JAM3: variants seen among roughly 807,000 people sequenced by gnomAD.
The protein encoded by JAM3 is junctional adhesion molecule C.
A neutral mutation model predicts 39.4 loss-of-function variants in JAM3; 31 were observed. That is an observed-to-expected ratio of 0.79 (90% CI 0.59 to 1.06). The LOEUF (loss-of-function observed/expected upper bound fraction) is 1.06, where lower values mean the gene tolerates loss of function less well. Ranked by LOEUF, JAM3 falls within the 50% of genes least tolerant of loss-of-function variation. JAM3 has a pLI of 0.00. For missense variants in JAM3, 455 were observed against 391.4 expected (o/e 1.16, Z -1.37); for synonymous variants, 182 against 148.7 (o/e 1.22, Z -1.63).
chr11:134,133,775 A>G (rs1251057563), intron 1 of JAM3, among the ~76,000 whole-genome samples: 2 of 152,090 alleles, frequency 1.3e-5, no homozygotes, highest in African/African-American at 4.8e-5. Context: ...CTTCCCCCCT[A>G]CACACACACC....
intron 1 of JAM3, among the ~76,000 whole-genome samples, chr11:134,105,402 G>A (rs28880389): frequency 0.025 from 3,806 of 152,166 alleles, 161 homozygotes; most frequent in African/African-American, 0.087. Context: ...ATATCATACC[G>A]AATGGGCAAA....
chr11:134,150,019 AT>A lies in JAM3; in HGVS notation c.*845del, dbSNP rs555851157. 6.5e-6 allele frequency: 1 copy of A among 153,272 alleles called. No individual in the cohort carries two copies. The highest frequency in any genetic ancestry group is 2.4e-5 in the African/African-American group (1 of 41,420). The allele number at this position is 153,272 out of a possible 1,614,324, so 9.5% of individuals were successfully genotyped here. A position where few individuals can be genotyped will look rare whatever the true frequency, so the allele number is the denominator to read the frequency against. On this transcript the variant is annotated 3_prime_UTR_variant, in exon 9 of 9. Transcript: ENST00000299106. Reference sequence around the variant, plus strand: ...ATTGTCATACAATGTTAAATAACCTATTTTTTTAAAAAAGTTCAACTTAAGG... The same window carrying A: ...ATTGTCATACAATGTTAAATAACCTATTTTTTAAAAAAGTTCAACTTAAGG...
intron 1 of JAM3, among the ~76,000 whole-genome samples, chr11:134,104,536 A>C (rs1281012064): frequency 2.0e-5 from 3 of 152,132 alleles, no homozygotes; most frequent in African/African-American, 2.4e-5. Context: ...ATAGAGATAC[A>C]AAAAACCCTT....
At chr11:134,076,073 A>T (rs1311289580) in intron 1 of JAM3, among the ~76,000 whole-genome samples, 1 of 150,522 alleles carries the variant, frequency 6.6e-6, no homozygotes, top group Non-Finnish European at 1.5e-5. Flanking sequence ...TTCATTTCTA[A>T]AATTTTCTTG....
At chr11:134,073,046 G>A (rs561662593) in intron 1 of JAM3, among the ~76,000 whole-genome samples, 1 of 152,322 alleles carries the variant, frequency 6.6e-6, no homozygotes, top group African/African-American at 2.4e-5. Context: ...AGTGTAAAGC[G>A]ATCCCGAAAG....
At chr11:134,104,911 G>A (rs902947204) in intron 1 of JAM3, among the ~76,000 whole-genome samples, 9 of 152,174 alleles carry the variant, frequency 5.9e-5, no homozygotes, top group East Asian at 1.9e-4. Context: ...ATTCACAGCC[G>A]AATTCTACCA....
At chr11:134,148,739 C>T (rs1024944538) in intron 7 of JAM3, 25 bp from the exon 8 acceptor site, 4 of 1,614,018 alleles carry the variant, frequency 2.5e-6, no homozygotes, top group Non-Finnish European at 3.4e-6. Flanking sequence ...AACCCTGTTG[C>T]TAAACTGCTC....
At chr11:134,111,133 C>CTTTTTTTTTTTTTTTTTT (rs71038561) in intron 1 of JAM3, among the ~76,000 whole-genome samples, 7 of 86,772 alleles carry the variant, frequency 8.1e-5, no homozygotes, top group African/African-American at 3.3e-4. Flanking sequence ...ACACATCCAT[C>CTTTTTTTTTTTTTTTTTT]TTTTTTTTTT....
At chr11:134,114,937 T>C (rs1251901894) in intron 1 of JAM3, among the ~76,000 whole-genome samples, 1 of 152,214 alleles carries the variant, frequency 6.6e-6, no homozygotes, top group Non-Finnish European at 1.5e-5. Flanking sequence ...GAGAGTAGTG[T>C]TGAAATCTCG....
chr11:134,134,827 C>G (rs1942833642), intron 1 of JAM3, among the ~76,000 whole-genome samples: 1 of 152,116 alleles, frequency 6.6e-6, no homozygotes, highest in African/African-American at 2.4e-5. Flanking sequence ...ACTCTTTGCC[C>G]ATTTTAAAAT....
chr11:134,140,202 G>A (rs1019307555), intron 2 of JAM3, among the ~76,000 whole-genome samples: 4 of 152,162 alleles, frequency 2.6e-5, no homozygotes, highest in African/African-American at 9.7e-5. Flanking sequence ...TGCCCAGGCT[G>A]GAGTGTAGTG....
At chr11:134,088,285 T>C (rs1369060148) in intron 1 of JAM3, among the ~76,000 whole-genome samples, 1 of 152,270 alleles carries the variant, frequency 6.6e-6, no homozygotes, top group Admixed American at 6.5e-5. Flanking sequence ...TTACCAATGA[T>C]GTATTACCCA....
chr11:134,071,124 T>G (rs1278396842), intron 1 of JAM3, among the ~76,000 whole-genome samples: 1 of 152,238 alleles, frequency 6.6e-6, no homozygotes, highest in Non-Finnish European at 1.5e-5. Flanking sequence ...TTTATTTTCA[T>G]CTTAAAAATT....
At chr11:134,116,194 TAATA>T (rs1942429450) in intron 1 of JAM3, among the ~76,000 whole-genome samples, 1 of 152,030 alleles carries the variant, frequency 6.6e-6, no homozygotes, top group Non-Finnish European at 1.5e-5. Flanking sequence ...CCATAATAAT[TAATA>T]AATATTTCGG....
chr11:134,125,703 G>A (rs983780537), intron 1 of JAM3, among the ~76,000 whole-genome samples: 10 of 152,162 alleles, frequency 6.6e-5, no homozygotes, highest in East Asian at 1.9e-4. Flanking sequence ...TGTGAGCCCC[G>A]ACAATACTCA....
chr11:134,072,170 T>TA (rs2120556952), intron 1 of JAM3, among the ~76,000 whole-genome samples: 1 of 152,238 alleles, frequency 6.6e-6, no homozygotes, highest in East Asian at 1.9e-4. Context: ...TAGCAGCTGT[T>TA]AGAGATGTGG....
intron 4 of JAM3, 25 bp from the exon 5 acceptor site, chr11:134,144,767 A>C (rs1344499454): frequency 1.9e-6 from 3 of 1,565,856 alleles, no homozygotes; most frequent in Non-Finnish European, 2.6e-6. Flanking sequence ...CTGAGATCTT[A>C]AACACCACCC....
intron 1 of JAM3, among the ~76,000 whole-genome samples, chr11:134,081,446 GC>G (rs1941664441): frequency 6.6e-6 from 1 of 152,180 alleles, no homozygotes; most frequent in Admixed American, 6.5e-5. Context: ...TTGGTGCCCT[GC>G]CTTCCAGCCA....
At position 134,144,786 on chromosome 11, in the gene JAM3, C is replaced by T. The variant is rs747088657; in HGVS notation, c.410-6C>T. ...GATCTTAAACACCACCCCTTTTTCC[C>T]CACAGTGAAGCCAGTGACCCCTGTC... On this transcript the variant is annotated splice_region_variant and splice_polypyrimidine_tract_variant and intron_variant, in intron 4 of 8. Coordinates refer to ENST00000299106, the MANE Select transcript of JAM3 (RefSeq NM_032801.5). 3.1e-6 allele frequency: 5 copies of T among 1,613,012 alleles called. No individual in the cohort carries two copies. The highest frequency in any genetic ancestry group is 1.6e-4 in the Middle Eastern group (1 of 6,080).
Sources: gnomAD v4.1 joint callset for allele counts (sites outside exome capture counted in the v4.1 genomes callset) on GRCh38, gnomAD v4.1.1 for gene constraint, MANE v1.5 for transcripts, NCBI Gene and HGNC (gene_info 2026-07-23, HGNC 2026-07-21) for gene names.